Variants in VAV1 observed in about 807,000 individuals in gnomAD.
VAV1 encodes proto-oncogene vav.
VAV1 carries 33 observed loss-of-function variants against 128.1 expected under a neutral mutation model. The observed-to-expected ratio is 0.26, with a 90% CI of 0.20 to 0.34. The LOEUF (loss-of-function observed/expected upper bound fraction) is 0.34. Ranked by LOEUF, VAV1 falls within the 10% of genes least tolerant of loss-of-function variation. The probability of loss-of-function intolerance (pLI) is 1.00; values close to 1 mark genes in which losing one functional copy is unlikely to be tolerated. For missense variants in VAV1, 715 were observed against 1,093.7 expected, an observed-to-expected ratio of 0.65 and a Z score of 4.88; for synonymous variants, 394 against 409.8, an observed-to-expected ratio of 0.96 and a Z score of 0.47.
chr19:6,792,393 G>A (rs967157546), intron 1 of VAV1, among the ~76,000 whole-genome samples: 3 of 151,766 alleles, frequency 2.0e-5, no homozygotes, highest in East Asian at 3.9e-4. Context: ...GGAATGAAAT[G>A]AAATGAAAAG....
intron 1 of VAV1, among the ~76,000 whole-genome samples, chr19:6,797,491 T>C (rs368068443): frequency 6.6e-6 from 1 of 151,658 alleles, no homozygotes; most frequent in East Asian, 2.0e-4. Flanking sequence ...TCATCTGAGG[T>C]TGGGAGTTCG....
At chr19:6,787,210 C>T (rs988171321) in intron 1 of VAV1, among the ~76,000 whole-genome samples, 3 of 152,114 alleles carry the variant, frequency 2.0e-5, no homozygotes, top group Non-Finnish European at 2.9e-5. Context: ...GGGTCTCACT[C>T]TGTCACCAAG....
At chr19:6,821,547 G>C in intron 2 of VAV1, 75 bp from the exon 3 acceptor site, 1 of 1,576,450 alleles carries the variant, frequency 6.3e-7, no homozygotes. Context: ...CTCAGACAGA[G>C]CCTTGCAGCT....
intron 19 of VAV1, among the ~76,000 whole-genome samples, chr19:6,835,214 TACACAC>T (rs59124872): frequency 0.038 from 5,478 of 144,982 alleles, 105 homozygotes; most frequent in Non-Finnish European, 0.043. Context: ...TATATATACA[TACACAC>T]ACACACACAC....
chr19:6,792,776 C>T (rs764957793), intron 1 of VAV1, among the ~76,000 whole-genome samples: 1 of 151,970 alleles, frequency 6.6e-6, no homozygotes, highest in African/African-American at 2.4e-5. Context: ...ACTCTGTCCT[C>T]CCAGGGGACA....
rs556144151 is a variant in VAV1, at chr19:6,822,104, G to C, written c.450-117G>C. ...GCTTGGAGGGACATGGCCTGCCCTT[G>C]GAGTCTGAGGTCCCACCCTTGGAGT... On this transcript the variant is annotated intron_variant, in intron 4 of 26. Transcript: ENST00000602142. This position sits in a 1 kb window ranked among gnomAD's most constrained non-coding sequence, Gnocchi z 5.9. The C allele has an allele frequency of 8.5e-4, 938 of 1,109,294 alleles. 4 individuals carry two copies. The African/African-American group carries it at 0.013, about 15-fold the overall frequency. The allele number at this position is 1,109,294 out of a possible 1,614,324, so 68.7% of individuals were successfully genotyped here.
At chr19:6,829,668 A>C in intron 13 of VAV1, 118 bp from the exon 14 acceptor site, 73 of 1,417,090 alleles carry the variant, frequency 5.2e-5, no homozygotes, top group Non-Finnish European at 6.3e-5. Flanking sequence ...GGGCATGGCC[A>C]AGTTGGCCAA....
chr19:6,812,487 T>A (rs983974525), intron 1 of VAV1, among the ~76,000 whole-genome samples: 1 of 152,106 alleles, frequency 6.6e-6, no homozygotes, highest in Non-Finnish European at 1.5e-5. Context: ...AAACCCTGTC[T>A]CTACTAAAAA....
intron 1 of VAV1, among the ~76,000 whole-genome samples, chr19:6,810,705 CAA>C (rs111621825): frequency 4.2e-5 from 6 of 144,130 alleles, no homozygotes; most frequent in African/African-American, 1.5e-4. Flanking sequence ...AACGTTATCT[CAA>C]AAAAAAAAAA....
rs370175217 is a variant in VAV1 at position 6,773,051 on chromosome 19, G to A, written c.204+40G>A. 44 of 1,612,134 alleles carry A rather than the reference G, an allele frequency of 2.7e-5. No individual in the cohort carries two copies. In the African/African-American group the frequency reaches 3.6e-4, roughly 13 times the overall value. On this transcript the variant is annotated intron_variant, in intron 1 of 26. Transcript: ENST00000602142. ...GGCAGGTGTGCTGAGGGTTGGAGAC[G>A]GGGGTCCTCCCCGGGGCTGACAGTC...
rs750953925 is a variant in VAV1 at position 6,850,649 on chromosome 19, C to A, written c.2130-21C>A. On this transcript the variant is annotated intron_variant, in intron 23 of 26. Coordinates refer to ENST00000602142, the MANE Select transcript of VAV1 (RefSeq NM_005428.4). ...TGGGCCTGGTCCCCAGACTCAGGGC[C>A]CGGTGACCATCTGGTTCCAGATATA... 2.2e-5 allele frequency: 35 copies of A among 1,613,146 alleles called. 1 individual carries two copies. The South Asian group carries it at 3.5e-4, about 16-fold the overall frequency.
chr19:6,818,315 C>T (rs140562718), intron 1 of VAV1, among the ~76,000 whole-genome samples: 176 of 152,262 alleles, frequency 1.2e-3, no homozygotes, highest in African/African-American at 3.9e-3. Flanking sequence ...TATTTGTTTG[C>T]GTGGGTGCCA....
intron 1 of VAV1, among the ~76,000 whole-genome samples, chr19:6,774,673 G>T (rs1302502234): frequency 6.6e-6 from 1 of 151,686 alleles, no homozygotes; most frequent in African/African-American, 2.4e-5. Flanking sequence ...GACCTCAAAT[G>T]ATCCACCCAC....
chr19:6,814,708 C>CTTTCTTTCTTTA (rs1456854582), intron 1 of VAV1, among the ~76,000 whole-genome samples: 2 of 132,688 alleles, frequency 1.5e-5, no homozygotes, highest in Admixed American at 1.6e-4. Context: ...TTCTTTCTTT[C>CTTTCTTTCTTTA]TTTCTTTCTT....
At chr19:6,854,710 T>TA (rs1415240242) in intron 26 of VAV1, among the ~76,000 whole-genome samples, 7 of 151,738 alleles carry the variant, frequency 4.6e-5, no homozygotes, top group Non-Finnish European at 8.8e-5. Flanking sequence ...ACCCTGTCTT[T>TA]AAAAAAAAGA....
intron 14 of VAV1, among the ~76,000 whole-genome samples, chr19:6,831,357 G>A (rs2144787806): frequency 6.6e-6 from 1 of 152,232 alleles, no homozygotes; most frequent in East Asian, 1.9e-4. Context: ...CTGTCACCAG[G>A]CTGGAGTGCA....
chr19:6,840,916 T>C (rs182616452), intron 21 of VAV1, among the ~76,000 whole-genome samples: 150 of 152,174 alleles, frequency 9.9e-4, no homozygotes, highest in African/African-American at 3.5e-3. Flanking sequence ...TAGCTGGGAT[T>C]ACAGGCATGC....
In VAV1 at chr19:6,834,649, T is replaced by C. The variant is rs570370740; in HGVS notation, c.1777+696T>C. 2.8e-3 allele frequency among the ~76,000 whole-genome samples: 405 copies of C among 146,512 alleles called. 3 individuals are homozygous for C. Among genetic ancestry groups the C allele is most frequent in the African/African-American group, 9.4e-3 (383 of 40,538 alleles). On this transcript the variant is annotated intron_variant, in intron 19 of 26. Transcript: ENST00000602142. ...AATATAATATAGTAATAATATATTATAATAATATATAAAATATATATTAAT... is the reference window on the plus strand; with the variant it reads ...AATATAATATAGTAATAATATATTACAATAATATATAAAATATATATTAAT...
At chr19:6,818,559 T>G (rs58882129) in intron 1 of VAV1, among the ~76,000 whole-genome samples, 3 of 151,924 alleles carry the variant, frequency 2.0e-5, no homozygotes, top group Non-Finnish European at 4.4e-5. Context: ...TGGGTTGAAC[T>G]GTGTCCCCCC....
Sources: gnomAD v4.1 joint callset for allele counts (sites outside exome capture counted in the v4.1 genomes callset) on GRCh38, gnomAD v4.1.1 for gene constraint, Gnocchi (gnomAD v3.1) non-coding constraint, MANE v1.5 for transcripts, NCBI Gene and HGNC (gene_info 2026-07-23, HGNC 2026-07-21) for gene names.